The following DDX10 variants were observed in gnomAD, a reference collection of about 807,000 sequenced individuals.
The protein encoded by DDX10 is DEAD-box helicase 10, also known as probable ATP-dependent RNA helicase DDX10.
In DDX10, 74 loss-of-function variants were observed where a neutral mutation model predicts 104.3. That is an observed-to-expected ratio of 0.71 (90% CI 0.59 to 0.86). The LOEUF is 0.86. DDX10 is among the 40% of genes least tolerant of loss of function. DDX10 has a pLI of 0.00. For missense variants in DDX10, 952 were observed against 1,040.0 expected, an observed-to-expected ratio of 0.92 and a Z score of 1.16; for synonymous variants, 351 against 353.4, an observed-to-expected ratio of 0.99 and a Z score of 0.08.
chr11:108,759,717 C>CT (rs964793455), intron 13 of DDX10, among the ~76,000 whole-genome samples: 6 of 151,912 alleles, frequency 3.9e-5, no homozygotes, highest in South Asian at 2.1e-4. Context: ...CCCCGCATCA[C>CT]TTTTTTTTCC....
At position 108,844,404 on chromosome 11, in the gene DDX10, G is replaced by T. The variant is rs563815591; in HGVS notation, c.2247+2928G>T. On this transcript the variant is annotated intron_variant, in intron 15 of 17. Transcript: ENST00000322536. The stretch of plus-strand genomic sequence containing the variant: ...TGTGTGTATTAGAGAAAACTTTGCA[G>T]TCGTGAGTACTGTAGCATTAGCATG... 7.2e-5 allele frequency among the ~76,000 whole-genome samples: 11 copies of T among 152,312 alleles called. No individual in the cohort carries two copies. The South Asian group carries it at 2.3e-3, about 32-fold the overall frequency.
At chr11:108,905,886 G>C (rs1863589740) in intron 16 of DDX10, among the ~76,000 whole-genome samples, 1 of 152,084 alleles carries the variant, frequency 6.6e-6, no homozygotes, top group Non-Finnish European at 1.5e-5. Context: ...AGAGAAGTGG[G>C]GTGAAGTGAC....
chr11:108,674,865 A>T (rs985134167), intron 2 of DDX10, among the ~76,000 whole-genome samples: 4 of 152,116 alleles, frequency 2.6e-5, no homozygotes, highest in Non-Finnish European at 4.4e-5. Flanking sequence ...TGTATGTTTG[A>T]TGAACATCTT....
chr11:108,684,052 GTTA>G (rs932848504), intron 6 of DDX10, among the ~76,000 whole-genome samples: 2 of 147,000 alleles, frequency 1.4e-5, no homozygotes, highest in African/African-American at 5.0e-5. Context: ...GATGCTTCAA[GTTA>G]TTATCTTGAT....
chr11:108,723,795 A>G (rs145788591), intron 13 of DDX10, among the ~76,000 whole-genome samples: 120 of 152,260 alleles, frequency 7.9e-4, no homozygotes, highest in African/African-American at 2.8e-3. Context: ...CCTTCGTTAA[A>G]ATTCTTAAGA....
At chr11:108,901,097 T>G (rs1045875629) in intron 16 of DDX10, among the ~76,000 whole-genome samples, 1 of 152,196 alleles carries the variant, frequency 6.6e-6, no homozygotes, top group Non-Finnish European at 1.5e-5. Flanking sequence ...CTCCCTAGCA[T>G]TGTAATTATG....
At chr11:108,701,960 A>G (rs916484685) in intron 9 of DDX10, among the ~76,000 whole-genome samples, 3 of 152,154 alleles carry the variant, frequency 2.0e-5, no homozygotes, top group Admixed American at 6.5e-5. Flanking sequence ...CTGGGGTTAC[A>G]GGCGTGAACC....
chr11:108,681,265 A>G (rs1190280710), intron 6 of DDX10, among the ~76,000 whole-genome samples: 1 of 152,218 alleles, frequency 6.6e-6, no homozygotes. Flanking sequence ...AAAAAACTAC[A>G]AAGACTTTGA....
chr11:108,736,133 C>T (rs929067966), intron 13 of DDX10, among the ~76,000 whole-genome samples: 102 of 149,366 alleles, frequency 6.8e-4, no homozygotes, highest in Admixed American at 2.6e-3. Flanking sequence ...GAAAAATGAA[C>T]CCCTCTTTGC....
At chr11:108,744,286 T>G (rs1396458243) in intron 13 of DDX10, among the ~76,000 whole-genome samples, 1 of 152,172 alleles carries the variant, frequency 6.6e-6, no homozygotes, top group African/African-American at 2.4e-5. Flanking sequence ...TGTAAAGCCT[T>G]AGCAGATGCC....
At chr11:108,830,668 A>G (rs968387744) in intron 13 of DDX10, among the ~76,000 whole-genome samples, 10 of 152,074 alleles carry the variant, frequency 6.6e-5, no homozygotes, top group African/African-American at 2.4e-4. Context: ...TGTTTAGTAT[A>G]ATGTTAGTTG....
At chr11:108,894,873 G>T (rs185339603) in intron 16 of DDX10, among the ~76,000 whole-genome samples, 3 of 152,014 alleles carry the variant, frequency 2.0e-5, no homozygotes, top group African/African-American at 7.2e-5. Flanking sequence ...TTTACTACTG[G>T]AAAGAGTATT....
chr11:108,817,991 A>G (rs1467906165), intron 13 of DDX10, among the ~76,000 whole-genome samples: 1 of 152,240 alleles, frequency 6.6e-6, no homozygotes, highest in Admixed American at 6.5e-5. Flanking sequence ...GTGAAACGCA[A>G]AATAGTGAAT....
At chr11:108,895,666 C>T (rs961231961) in intron 16 of DDX10, among the ~76,000 whole-genome samples, 6 of 151,882 alleles carry the variant, frequency 4.0e-5, no homozygotes. Context: ...GTAATTGTCA[C>T]CAAAAATATT....
At chr11:108,686,623 GTTTA>G (rs376284225) in intron 6 of DDX10, among the ~76,000 whole-genome samples, 15 of 152,256 alleles carry the variant, frequency 9.9e-5, no homozygotes, top group African/African-American at 2.9e-4. Context: ...ATGTACCACA[GTTTA>G]TTTATCCATT....
At chr11:108,906,474 T>C (rs1863598716) in intron 16 of DDX10, among the ~76,000 whole-genome samples, 1 of 152,194 alleles carries the variant, frequency 6.6e-6, no homozygotes, top group Non-Finnish European at 1.5e-5. Context: ...CCAGTGCTCA[T>C]AACAGCCTTG....
chr11:108,848,294 T>A (rs918356885), intron 15 of DDX10, among the ~76,000 whole-genome samples: 5 of 152,080 alleles, frequency 3.3e-5, no homozygotes, highest in Admixed American at 3.3e-4. Flanking sequence ...CATTTAAGAG[T>A]CTAAAGTAAG....
At chr11:108,938,744 GGT>G (rs1396555323) in intron 17 of DDX10, among the ~76,000 whole-genome samples, 2 of 152,122 alleles carry the variant, frequency 1.3e-5, no homozygotes, top group African/African-American at 4.8e-5. Context: ...TTCCTCCAGT[GGT>G]GAAAGAGAAT....
chr11:108,814,447 G>T (rs1862227244), intron 13 of DDX10, among the ~76,000 whole-genome samples: 2 of 152,134 alleles, frequency 1.3e-5, no homozygotes, highest in African/African-American at 2.4e-5. Flanking sequence ...CCCAGGTGTA[G>T]GGAATTCACT....
Sources: allele counts gnomAD v4.1 joint callset (sites outside exome capture counted in the v4.1 genomes callset), GRCh38; gene constraint gnomAD v4.1.1; transcripts MANE v1.5; gene names NCBI Gene and HGNC (gene_info 2026-07-23, HGNC 2026-07-21).